The following MANBA variants were observed in gnomAD, a reference collection of about 807,000 sequenced individuals.
MANBA encodes the protein beta-mannosidase.
In MANBA, 83 loss-of-function variants were observed where a neutral mutation model predicts 111.1. That is an observed-to-expected ratio of 0.75 (90% CI 0.63 to 0.90). MANBA has a LOEUF of 0.90. MANBA is among the 40% of genes least tolerant of loss of function. MANBA has a pLI of 0.00. For synonymous variants in MANBA, 370 were observed against 378.7 expected, an observed-to-expected ratio of 0.98 and a Z score of 0.27; for missense variants, 1,036 against 1,069.0, an observed-to-expected ratio of 0.97 and a Z score of 0.43.
chr4:102,690,812 T>TAA, intron 5 of MANBA, 41 bp from the exon 6 acceptor site: 5 of 737,972 alleles, frequency 6.8e-6, no homozygotes, highest in African/African-American at 1.8e-5. Context: ...TATATATATA[T>TAA]AATATGCTAA....
intron 5 of MANBA, among the ~76,000 whole-genome samples, chr4:102,711,504 G>A (rs1043181378): frequency 1.3e-5 from 2 of 152,096 alleles, no homozygotes; most frequent in South Asian, 2.1e-4. Context: ...ATTTATACAC[G>A]GTTGTGGGAA....
chr4:102,639,707 G>C lies in MANBA; in HGVS notation c.2014+6C>G. 1 of 1,614,092 alleles carries C rather than the reference G, an allele frequency of 6.2e-7. No homozygotes were observed. The highest frequency in any genetic ancestry group is 8.5e-7 in the Non-Finnish European group (1 of 1,179,998). ...TCACTCGCACAAAGAACGCTGAAAT[G>C]CTTACCAAGAGAAGCCCAGGAAGGA... On this transcript the variant is annotated splice_donor_region_variant and intron_variant, in intron 14 of 16. Coordinates refer to ENST00000647097, the MANE Select transcript of MANBA (RefSeq NM_005908.4).
At chr4:102,673,775 C>T in intron 8 of MANBA, 144 bp downstream of exon 8, 6 of 729,340 alleles carry the variant, frequency 8.2e-6, no homozygotes, top group Non-Finnish European at 9.3e-6. Context: ...AAATCCTGTC[C>T]ATTCTGAAGT....
chr4:102,675,418 A>G (rs932967537), intron 7 of MANBA, among the ~76,000 whole-genome samples: 3 of 152,272 alleles, frequency 2.0e-5, no homozygotes, highest in Non-Finnish European at 4.4e-5. Flanking sequence ...GTGCATTTTC[A>G]GAGATTAACT....
At chr4:102,677,462 A>C (rs530935075) in intron 7 of MANBA, among the ~76,000 whole-genome samples, 23 of 152,326 alleles carry the variant, frequency 1.5e-4, no homozygotes, top group Admixed American at 5.9e-4. Context: ...CAAGAAACAA[A>C]CATTTTCCAA....
Position 102,690,700 on chromosome 4 carries a change from C to T in MANBA, c.745G>A (p.Gly249Ser). The T allele has an allele frequency of 1.2e-6, 2 of 1,609,156 alleles. No individual in the cohort carries two copies. Among genetic ancestry groups the T allele is most frequent in the South Asian group, 1.1e-5 (1 of 90,620 alleles). ...FDVVSSKPVG[G>S]QVIVAIPKLQ... ...TTAGGGATGGCTACGATCACTTGAC[C>T]ACCAACTGGCTTTGAGCTGACAACA... is the stretch of plus-strand genomic sequence containing the variant. Residue 249 changes from glycine (G) to serine (S), a missense_variant, in exon 6 of 17, where the codon GGT (glycine) becomes AGT (serine). Coordinates refer to ENST00000647097, the MANE Select transcript of MANBA (RefSeq NM_005908.4).
intron 12 of MANBA, among the ~76,000 whole-genome samples, chr4:102,656,204 T>C (rs1730551605): frequency 6.6e-6 from 1 of 152,072 alleles, no homozygotes; most frequent in African/African-American, 2.4e-5. Context: ...CAGTGAGCCG[T>C]GACCACTCCA....
At chr4:102,746,926 C>T (rs575177659) in intron 1 of MANBA, among the ~76,000 whole-genome samples, 27 of 150,448 alleles carry the variant, frequency 1.8e-4, no homozygotes, top group African/African-American at 5.6e-4. Flanking sequence ...GAGCAGAGAT[C>T]GCGCCACTGC....
chr4:102,692,892 T>C (rs1732547484), intron 5 of MANBA, among the ~76,000 whole-genome samples: 1 of 151,752 alleles, frequency 6.6e-6, no homozygotes, highest in Non-Finnish European at 1.5e-5. Context: ...GTTTCTATGC[T>C]GATCAATGAC....
At chr4:102,637,880 G>A (rs1729698604) in intron 14 of MANBA, among the ~76,000 whole-genome samples, 1 of 152,250 alleles carries the variant, frequency 6.6e-6, no homozygotes, top group Non-Finnish European at 1.5e-5. Context: ...AAGCTGGTCA[G>A]TCAGAAGTTC....
chr4:102,693,296 C>T (rs1368290740), intron 5 of MANBA, among the ~76,000 whole-genome samples: 1 of 152,122 alleles, frequency 6.6e-6, no homozygotes, highest in Non-Finnish European at 1.5e-5. Flanking sequence ...TATAAATAAA[C>T]TTTTATTGGA....
At chr4:102,740,543 C>A (rs2110205157) in intron 1 of MANBA, among the ~76,000 whole-genome samples, 1 of 152,248 alleles carries the variant, frequency 6.6e-6, no homozygotes, top group Middle Eastern at 3.4e-3. Context: ...TGACTTCAAA[C>A]TATACTATAA....
chr4:102,636,113 C>T, intron 14 of MANBA, 106 bp from the exon 15 acceptor site: 1 of 989,544 alleles, frequency 1.0e-6, no homozygotes, highest in Non-Finnish European at 1.6e-6. Context: ...AGGGAGTGAG[C>T]ATGTGAGGGA....
intron 10 of MANBA, chr4:102,668,639 G>A: frequency 3.4e-6 from 1 of 295,566 alleles, no homozygotes; most frequent in Non-Finnish European, 6.5e-6. Context: ...TGGGGAGGGG[G>A]TGCAATATAA....
chr4:102,696,762 T>C (rs569729136), intron 5 of MANBA, among the ~76,000 whole-genome samples: 2 of 152,276 alleles, frequency 1.3e-5, no homozygotes, highest in South Asian at 4.1e-4. Context: ...GCTCTCTTCT[T>C]CCTCCATCTT....
At chr4:102,634,665 G>C in intron 16 of MANBA, 123 bp downstream of exon 16, 3 of 1,322,894 alleles carry the variant, frequency 2.3e-6, no homozygotes, top group Non-Finnish European at 3.3e-6. Flanking sequence ...CTTCCCCCAG[G>C]CCTCAGGTAA....
At chr4:102,757,469 C>T (rs748237840) in intron 1 of MANBA, among the ~76,000 whole-genome samples, 5 of 152,192 alleles carry the variant, frequency 3.3e-5, no homozygotes, top group Non-Finnish European at 7.3e-5. Flanking sequence ...CACAGAATCT[C>T]TCACTAAATA....
At chr4:102,744,412 A>G (rs1050917984) in intron 1 of MANBA, among the ~76,000 whole-genome samples, 1 of 152,246 alleles carries the variant, frequency 6.6e-6, no homozygotes, top group African/African-American at 2.4e-5. Context: ...ACCTTGTGGA[A>G]GCGAAAGAGA....
At chr4:102,707,900 G>A (rs1733374611) in intron 5 of MANBA, among the ~76,000 whole-genome samples, 1 of 151,978 alleles carries the variant, frequency 6.6e-6, no homozygotes, top group Non-Finnish European at 1.5e-5. Context: ...TCAAAAAACA[G>A]TAAAAACAGA....
Sources: allele counts gnomAD v4.1 joint callset (sites outside exome capture counted in the v4.1 genomes callset), GRCh38; gene constraint gnomAD v4.1.1; transcripts MANE v1.5; gene names NCBI Gene and HGNC (gene_info 2026-07-23, HGNC 2026-07-21).